MYT1: variants seen among roughly 807,000 people sequenced by gnomAD.
MYT1 encodes myelin transcription factor I.
Under a neutral mutation model 123.0 loss-of-function variants are expected in MYT1, and 23 were observed. The ratio of observed to expected loss-of-function variants is 0.19; its 90% confidence interval spans 0.13 to 0.26. The LOEUF is 0.26. MYT1 is among the 10% of genes least tolerant of loss of function. The pLI is 1.00. For synonymous variants in MYT1, 518 were observed against 575.3 expected, an observed-to-expected ratio of 0.90 and a Z score of 1.43; for missense variants, 1,125 against 1,472.5, an observed-to-expected ratio of 0.76 and a Z score of 3.86.
chr20:64,180,890 C>G (rs948047115), intron 1 of MYT1, among the ~76,000 whole-genome samples: 1 of 152,236 alleles, frequency 6.6e-6, no homozygotes, highest in Non-Finnish European at 1.5e-5. Context: ...ACATGCACCT[C>G]CCTGCCCTCG....
chr20:64,216,025 G>A (rs1983829411), intron 10 of MYT1, among the ~76,000 whole-genome samples: 3 of 152,150 alleles, frequency 2.0e-5, no homozygotes, highest in Admixed American at 6.5e-5. Context: ...CCACGTCCTG[G>A]TAGTGTTCAG....
chr20:64,205,060 T>G lies in MYT1; in HGVS notation c.112T>G (p.Ser38Ala), dbSNP rs761992716. 8 of 1,613,918 alleles carry G rather than the reference T, an allele frequency of 5.0e-6. No homozygotes were observed. The highest frequency in any genetic ancestry group is 6.8e-6 in the Non-Finnish European group (8 of 1,180,048). ...LSCPTPGCTG[S>A]GHVRGKYSRH... ...CTGCCCCACCCCAGGATGCACAGGC[T>G]CAGGGCACGTCCGGGGCAAGTACTC... The change falls in exon 5 of 23, where the codon TCA becomes GCA. Residue 38 changes from serine (S) to alanine (A), a missense_variant. Physicochemically the swap from Ser to Ala is moderately conservative, Grantham distance 99. Around this residue, in one of 4 missense-constraint regions of MYT1, gnomAD observed 406 missense variants for 432.2 expected, o/e 0.94. Coordinates refer to ENST00000328439, the MANE Select transcript of MYT1 (RefSeq NM_004535.3).
At chr20:64,179,860 TAC>T (rs1982587452) in intron 1 of MYT1, among the ~76,000 whole-genome samples, 1 of 151,156 alleles carries the variant, frequency 6.6e-6, no homozygotes, top group African/African-American at 2.4e-5. Flanking sequence ...ACACACATAC[TAC>T]ACACAGGCTA....
chr20:64,195,325 C>T (rs1310003182), intron 2 of MYT1, among the ~76,000 whole-genome samples: 1 of 143,300 alleles, frequency 7.0e-6, no homozygotes, highest in Non-Finnish European at 1.5e-5. Context: ...GGAAAAGGGG[C>T]TGGTCTTCGT....
chr20:64,166,339 G>A lies in MYT1; in HGVS notation c.-99+1600G>A, dbSNP rs1478886871. On this transcript the variant is annotated intron_variant, in intron 1 of 22. Coordinates refer to ENST00000328439, the MANE Select transcript of MYT1 (RefSeq NM_004535.3). This position sits in a 1 kb window ranked among gnomAD's most constrained non-coding sequence, Gnocchi z 4.9. Reference sequence around the variant, plus strand: ...AGGAGGCAGTCTTATGGATTCTTCTGTCCCGTAGAGACTGAGACTCCTACA... The same window carrying A: ...AGGAGGCAGTCTTATGGATTCTTCTATCCCGTAGAGACTGAGACTCCTACA... Among the ~76,000 whole-genome samples, 1 of 152,122 alleles carries A rather than the reference G, an allele frequency of 6.6e-6. No individual in the cohort carries two copies. Among genetic ancestry groups the A allele is most frequent in the African/African-American group, 2.4e-5 (1 of 41,414 alleles).
At chr20:64,223,200 G>T (rs775164690) in intron 15 of MYT1, 27 bp downstream of exon 15, 55 of 1,613,986 alleles carry the variant, frequency 3.4e-5, no homozygotes, top group Non-Finnish European at 4.5e-5. Context: ...GGTCCGTCTG[G>T]CCTGGGTGCT....
rs764318610 is a variant in MYT1, at chr20:64,196,039, C to T, written c.1-2823C>T. On this transcript the variant is annotated intron_variant, in intron 2 of 22. Coordinates refer to ENST00000328439, the MANE Select transcript of MYT1 (RefSeq NM_004535.3). The surrounding 1 kb of genome is among the most constrained non-coding windows in gnomAD (Gnocchi z 4.3). ...AGCAGACGTTCTTGAGAAAGGTTGC[C>T]GGCCCAGCAGTAAGAGTGGGTGATG... is the stretch of plus-strand genomic sequence containing the variant. 1.2e-4 allele frequency among the ~76,000 whole-genome samples: 19 copies of T among 152,244 alleles called. No homozygotes were observed. Among genetic ancestry groups the T allele is most frequent in the Non-Finnish European group, 1.9e-4 (13 of 68,032 alleles).
At chr20:64,187,859 C>T (rs1014563375) in intron 1 of MYT1, among the ~76,000 whole-genome samples, 2 of 152,224 alleles carry the variant, frequency 1.3e-5, no homozygotes, top group Non-Finnish European at 2.9e-5. Context: ...CTTGTGTGCT[C>T]TGTACCCAGG....
At chr20:64,197,810 G>T (rs530661375) in intron 2 of MYT1, among the ~76,000 whole-genome samples, 2 of 152,186 alleles carry the variant, frequency 1.3e-5, no homozygotes, top group African/African-American at 4.8e-5. Context: ...CTCCCTCGCC[G>T]GACAATGCTG....
chr20:64,216,676 T>C, intron 10 of MYT1, among the ~76,000 whole-genome samples: 1 of 152,208 alleles, frequency 6.6e-6, no homozygotes, highest in East Asian at 1.9e-4. Context: ...CTTGCTATTG[T>C]CCTGGGCTAT....
At chr20:64,177,643 G>A (rs1300681925) in intron 1 of MYT1, among the ~76,000 whole-genome samples, 1 of 152,002 alleles carries the variant, frequency 6.6e-6, no homozygotes, top group African/African-American at 2.4e-5. Context: ...GGACAAGAGG[G>A]CACCCCTCTC....
In MYT1 at chr20:64,237,345, G is replaced by A. The variant is rs900425721; in HGVS notation, c.3048G>A (p.Glu1016=). ...QLNQEIRDLN[E]SNSEMEAAMV... ...ACCAGGAGATCCGAGACCTGAACGA[G>A]TCCAACTCGGAGATGGAGGCTGCCA... Residue 1016 remains glutamate (E), a synonymous_variant, in exon 21 of 23, where the codon GAG becomes GAA. Transcript: ENST00000328439. 1 of 1,610,134 alleles carries A rather than the reference G, an allele frequency of 6.2e-7. No individual in the cohort carries two copies. The highest frequency in any genetic ancestry group is 8.5e-7 in the Non-Finnish European group (1 of 1,179,062).
chr20:64,236,672 T>C, intron 20 of MYT1, 26 bp downstream of exon 20: 1 of 1,580,066 alleles, frequency 6.3e-7, no homozygotes, highest in Non-Finnish European at 8.7e-7. Context: ...TGGATTTCCC[T>C]GCTCATGGCT....
At position 64,235,832 on chromosome 20, in the gene MYT1, C is replaced by CCA. The variant is rs1568722772; in HGVS notation, c.2898-723_2898-722insCA. ...GCTGTGGTGGGTGACACTGGGCTGG[C>CCA]TGTGGTGGGTGACCCTGGGCTGGCC... On this transcript the variant is annotated intron_variant, in intron 19 of 22. Coordinates refer to ENST00000328439, the MANE Select transcript of MYT1 (RefSeq NM_004535.3). Among the ~76,000 whole-genome samples, 69 of 90,672 alleles carry CCA rather than the reference C, an allele frequency of 7.6e-4. 2 individuals are homozygous for CCA. Among genetic ancestry groups the CCA allele is most frequent in the Non-Finnish European group, 1.1e-3 (52 of 46,912 alleles). The allele number at this position is 90,672 out of a possible 152,430, so 59.5% of individuals were successfully genotyped here. A position where few individuals can be genotyped will look rare whatever the true frequency, so the allele number is the denominator to read the frequency against.
At chr20:64,176,550 CACTCTGGGT>C (rs367901567) in intron 1 of MYT1, among the ~76,000 whole-genome samples, 5,413 of 152,316 alleles carry the variant, frequency 0.036, 188 homozygotes, top group South Asian at 0.18. Flanking sequence ...TGGAGGTCCC[CACTCTGGGT>C]TCCTTGTCCT....
intron 1 of MYT1, among the ~76,000 whole-genome samples, chr20:64,170,553 C>G (rs1415746568): frequency 6.6e-6 from 1 of 152,052 alleles, no homozygotes; most frequent in African/African-American, 2.4e-5. Flanking sequence ...CCACTCTGTT[C>G]CTTCTTGAGG....
At chr20:64,221,417 G>A (rs23602) in intron 13 of MYT1, among the ~76,000 whole-genome samples, 94,101 of 152,176 alleles carry the variant, frequency 0.62, 31,146 homozygotes, top group African/African-American at 0.84. Context: ...TGGGCGTGTC[G>A]GGCCAGGTGG....
At chr20:64,170,026 T>C (rs1226635560) in intron 1 of MYT1, among the ~76,000 whole-genome samples, 1 of 151,150 alleles carries the variant, frequency 6.6e-6, no homozygotes, top group Non-Finnish European at 1.5e-5. Context: ...CAGGCCACAG[T>C]ATGACCCTCA....
rs1984072915 is a variant in MYT1, at chr20:64,223,474, C to G, written c.2528+115C>G. 3.3e-6 allele frequency: 4 copies of G among 1,204,026 alleles called. No homozygotes were observed. The Admixed American group carries it at 5.1e-5, about 15-fold the overall frequency. The allele number at this position is 1,204,026 out of a possible 1,614,324, so 74.6% of individuals were successfully genotyped here. On this transcript the variant is annotated intron_variant, in intron 16 of 22. Transcript: ENST00000328439. Reference sequence around the variant, plus strand: ...CCAAGGTGCCAAGCCTCAGCTGGCCCCAGCTCTCCTGAGATGGGCAGAGGG... The same window carrying G: ...CCAAGGTGCCAAGCCTCAGCTGGCCGCAGCTCTCCTGAGATGGGCAGAGGG...
Sources: allele counts gnomAD v4.1 joint callset (sites outside exome capture counted in the v4.1 genomes callset), GRCh38; gene constraint gnomAD v4.1.1; regional missense constraint gnomAD v4.1.1; non-coding constraint Gnocchi (gnomAD v3.1); transcripts MANE v1.5; gene names NCBI Gene and HGNC (gene_info 2026-07-23, HGNC 2026-07-21).